Variants in GALNT16 observed in about 807,000 individuals in gnomAD.
GALNT16 encodes UDP-GalNAc:polypeptide N-acetylgalactosaminyltransferase-like protein 1.
Under a neutral mutation model 76.1 loss-of-function variants are expected in GALNT16, and 40 were observed. The observed-to-expected ratio is 0.53, with a 90% CI of 0.41 to 0.68. The LOEUF (loss-of-function observed/expected upper bound fraction) is 0.68, where lower values mean the gene tolerates loss of function less well. Among genes scored for constraint, GALNT16 ranks in the 30% least tolerant of loss-of-function variants. The pLI, the probability that GALNT16 is intolerant of heterozygous loss-of-function variation, is 0.00. For missense variants in GALNT16, 621 were observed against 731.9 expected (o/e 0.85, Z 1.75); for synonymous variants, 276 against 285.2 (o/e 0.97, Z 0.32).
At chr14:69,377,804 C>CAAAAAAAAA in the GALNT16 span, among the ~76,000 whole-genome samples, 46 of 37,490 alleles carry the variant, frequency 1.2e-3, 2 homozygotes, top group Non-Finnish European at 1.7e-3. Context: ...GAGACTGTCT[C>CAAAAAAAAA]AAAAAAAAAA....
At chr14:69,376,994 C>CTG in the GALNT16 span, among the ~76,000 whole-genome samples, 8,118 of 152,230 alleles carry the variant, frequency 0.053, 317 homozygotes, top group East Asian at 0.093. Context: ...ATCTGAGCTA[C>CTG]TGTGTGTTTC....
chr14:69,276,221 A>C (rs2044469173), intron 1 of GALNT16, among the ~76,000 whole-genome samples: 1 of 152,186 alleles, frequency 6.6e-6, no homozygotes, highest in South Asian at 2.1e-4. Context: ...TCTGTTTCCA[A>C]AAAAAGAAAA....
At chr14:69,357,352 A>G (rs2045700718), downstream of GALNT16, 1 of 152,284 alleles carries the variant, frequency 6.6e-6, no homozygotes, top group Non-Finnish European at 1.5e-5. Context: ...CACTGGCCAC[A>G]CTAGCAGAGA....
the GALNT16 span, among the ~76,000 whole-genome samples, chr14:69,367,302 G>A: frequency 2.0e-5 from 3 of 152,098 alleles, no homozygotes; most frequent in African/African-American, 7.2e-5. Context: ...AACCCCCAAA[G>A]TGATGGTATT....
chr14:69,339,563 A>G lies in GALNT16; in HGVS notation c.1131A>G (p.Glu377=). The change falls in exon 11 of 15, where the codon GAA becomes GAG. Residue 377 remains glutamate, a synonymous_variant. Coordinates refer to ENST00000448469, the MANE Select transcript of GALNT16 (RefSeq NM_001168368.2). ...TKRTAEVWMD[E]YKQYYYEARP... is the part of the protein sequence containing the mutation. Reference sequence around the variant, plus strand: ...GCACTGCAGAAGTGTGGATGGATGAATACAAGCAATACTACTATGAGGCCC... The same window carrying G: ...GCACTGCAGAAGTGTGGATGGATGAGTACAAGCAATACTACTATGAGGCCC... 6.2e-7 allele frequency: 1 copy of G among 1,613,394 alleles called. No individual in the cohort carries two copies. The highest frequency in any genetic ancestry group is 8.5e-7 in the Non-Finnish European group (1 of 1,179,336).
At chr14:69,362,258 C>G in the GALNT16 span, among the ~76,000 whole-genome samples, 1 of 152,170 alleles carries the variant, frequency 6.6e-6, no homozygotes, top group Non-Finnish European at 1.5e-5. Flanking sequence ...TCCCAATGTC[C>G]TCCCGGCCTC....
rs1474717664 is a variant in GALNT16 at position 69,338,645 on chromosome 14, C to G, written c.968-6C>G. The G allele has an allele frequency of 1.7e-5, 28 of 1,613,136 alleles. No homozygotes were observed. The highest frequency in any genetic ancestry group is 2.2e-5 in the Non-Finnish European group (26 of 1,179,466). ...TCCTCCTCCTGACGGCTACTATTTC[C>G]TGCAGAGCTCTCCTTCAGGGTGTGG... On this transcript the variant is annotated splice_polypyrimidine_tract_variant and splice_region_variant and intron_variant, in intron 9 of 14. Transcript: ENST00000448469.
At chr14:69,259,726 C>A (rs2044232943), upstream of GALNT16, 2 of 153,758 alleles carry the variant, frequency 1.3e-5, no homozygotes, top group South Asian at 2.0e-4. Flanking sequence ...CCCGGAACTG[C>A]AGCTCGCGGC....
At chr14:69,323,672 C>T (rs12891349) in intron 2 of GALNT16, among the ~76,000 whole-genome samples, 46,785 of 152,092 alleles carry the variant, frequency 0.31, 7,315 homozygotes, top group Admixed American at 0.33. Flanking sequence ...CACCACTACC[C>T]TACACCCCCT....
intron 12 of GALNT16, among the ~76,000 whole-genome samples, chr14:69,345,139 C>T (rs968539415): frequency 1.3e-5 from 2 of 152,160 alleles, no homozygotes; most frequent in East Asian, 1.9e-4. Context: ...TTAAGAGAAG[C>T]TAGATTCAGA....
intron 1 of GALNT16, among the ~76,000 whole-genome samples, chr14:69,274,208 TTCTGCCTAACTCG>T (rs1362779910): frequency 1.3e-5 from 2 of 152,150 alleles, no homozygotes; most frequent in Non-Finnish European, 2.9e-5. Flanking sequence ...GAGTTTAGAA[TTCTGCCTAACTCG>T]TAGTAAATGC....
At chr14:69,299,526 G>A (rs553125470) in intron 1 of GALNT16, among the ~76,000 whole-genome samples, 12 of 152,302 alleles carry the variant, frequency 7.9e-5, no homozygotes, top group African/African-American at 2.2e-4. Flanking sequence ...AGCCTCATCC[G>A]TAAGGTGGGG....
At chr14:69,265,553 G>A (rs1015487818) in intron 1 of GALNT16, among the ~76,000 whole-genome samples, 2 of 152,222 alleles carry the variant, frequency 1.3e-5, no homozygotes, top group Non-Finnish European at 2.9e-5. Flanking sequence ...CTTCTCTGAG[G>A]TCAGAGGGGA....
chr14:69,385,367 G>C, the GALNT16 span, among the ~76,000 whole-genome samples: 1 of 152,048 alleles, frequency 6.6e-6, no homozygotes, highest in Non-Finnish European at 1.5e-5. Flanking sequence ...CCACAAACCT[G>C]TAACACCTGT....
intron 1 of GALNT16, among the ~76,000 whole-genome samples, chr14:69,295,843 A>G (rs1566868697): frequency 6.6e-6 from 1 of 152,182 alleles, no homozygotes; most frequent in Non-Finnish European, 1.5e-5. Flanking sequence ...AGGTTCTAAG[A>G]CCAAGGAGTA....
chr14:69,279,018 G>T (rs928060304), intron 1 of GALNT16, among the ~76,000 whole-genome samples: 1 of 151,310 alleles, frequency 6.6e-6, no homozygotes, highest in Admixed American at 6.6e-5. Context: ...TGCAACCTCC[G>T]CTTCCCAGGT....
At chr14:69,359,619 TCA>T (rs1303814524), downstream of GALNT16, among the ~76,000 whole-genome samples, 2 of 152,272 alleles carry the variant, frequency 1.3e-5, no homozygotes, top group African/African-American at 2.4e-5. Flanking sequence ...GAGGGGAGGC[TCA>T]GTTGAGAGAA....
chr14:69,270,690 G>T lies in GALNT16; in HGVS notation c.177+10223G>T, dbSNP rs143171345. Reference sequence around the variant, plus strand: ...CGTTCCAGGGGGCTTCACTTCTGACGCCTCACACATCTGTGACCTGATTAT... The same window carrying T: ...CGTTCCAGGGGGCTTCACTTCTGACTCCTCACACATCTGTGACCTGATTAT... On this transcript the variant is annotated intron_variant, in intron 1 of 14. Coordinates refer to ENST00000448469, the MANE Select transcript of GALNT16 (RefSeq NM_001168368.2). 3.8e-3 allele frequency among the ~76,000 whole-genome samples: 582 copies of T among 152,282 alleles called. 3 individuals carry two copies. Among genetic ancestry groups the T allele is most frequent in the Non-Finnish European group, 6.1e-3 (415 of 68,024 alleles).
At chr14:69,346,956 C>A in intron 12 of GALNT16, 84 bp from the exon 13 acceptor site, 1 of 1,553,770 alleles carries the variant, frequency 6.4e-7, no homozygotes. Flanking sequence ...GCTCCCAGAG[C>A]TGATAGGATG....
Sources: allele counts gnomAD v4.1 joint callset (sites outside exome capture counted in the v4.1 genomes callset), GRCh38; gene constraint gnomAD v4.1.1; transcripts MANE v1.5; gene names NCBI Gene and HGNC (gene_info 2026-07-23, HGNC 2026-07-21).